The following CDKN1B variants were observed in gnomAD, a reference collection of about 807,000 sequenced individuals.
CDKN1B encodes cyclin dependent kinase inhibitor 1B.
CDKN1B carries 7 observed loss-of-function variants against 17.1 expected under a neutral mutation model. The ratio of observed to expected loss-of-function variants is 0.41; its 90% CI spans 0.23 to 0.77. The LOEUF (loss-of-function observed/expected upper bound fraction) is 0.77. Among genes scored for constraint, CDKN1B ranks in the 30% least tolerant of loss-of-function variants. The probability of loss-of-function intolerance (pLI) is 0.33; values close to 1 mark genes in which losing one functional copy is unlikely to be tolerated. For missense variants in CDKN1B, 337 were observed against 262.0 expected, an observed-to-expected ratio of 1.29 and a Z score of -1.98; for synonymous variants, 149 against 104.3, an observed-to-expected ratio of 1.43 and a Z score of -2.61.
chr12:12,718,704 C>T (rs765158339), intron 1 of CDKN1B, 121 bp from the exon 2 acceptor site: 9 of 1,157,182 alleles, frequency 7.8e-6, no homozygotes, highest in Non-Finnish European at 1.2e-5. Flanking sequence ...GATGACGGAT[C>T]CAGGATTGTG....
At chr12:12,718,976 C>T (rs2136357537) in intron 2 of CDKN1B, 22 bp downstream of exon 2, 1 of 1,612,836 alleles carries the variant, frequency 6.2e-7, no homozygotes, top group East Asian at 2.2e-5. Context: ...ACTAAAGGAG[C>T]ACGCACTGGA....
chr12:12,718,018 G>A lies in CDKN1B; in HGVS notation c.179G>A (p.Trp60Ter). The A allele has an allele frequency of 6.2e-7, 1 of 1,614,194 alleles. No individual in the cohort carries two copies. Among genetic ancestry groups the A allele is most frequent in the Non-Finnish European group, 8.5e-7 (1 of 1,180,042 alleles). The change falls in exon 1 of 3, where the codon TGG (tryptophan) becomes TAG (stop). Residue 60 changes from tryptophan (W) to a stop codon, truncating the protein, a stop_gained. Coordinates refer to ENST00000228872, the MANE Select transcript of CDKN1B (RefSeq NM_004064.5). LOFTEE classifies it high-confidence loss of function. ...ATGGAAGAGGCGAGCCAGCGCAAGT[G>A]GAATTTCGATTTTCAGAATCACAAA... ...RDMEEASQRKWNFDFQNHKPL... is the reference protein window; with the variant it reads ...RDMEEASQRK
In CDKN1B at chr12:12,722,080, A is replaced by G. The variant is rs1742027995; in HGVS notation, c.*1053A>G. ...TTCATTGCCTGTGTATGGAAAAACC[A>G]TTTGAAGTGTACCTGTGTACATAAC... On this transcript the variant is annotated 3_prime_UTR_variant, in exon 3 of 3. Coordinates refer to ENST00000228872, the MANE Select transcript of CDKN1B (RefSeq NM_004064.5). 2 of 152,316 alleles carry G rather than the reference A, an allele frequency of 1.3e-5. No individual in the cohort carries two copies. Among genetic ancestry groups the G allele is most frequent in the Admixed American group, 6.5e-5 (1 of 15,280 alleles). 9.4% of individuals were successfully genotyped at this position (152,316 alleles called of 1,614,324 possible).
chr12:12,718,459 G>A (rs1299662875), intron 1 of CDKN1B, 145 bp downstream of exon 1: 4 of 743,568 alleles, frequency 5.4e-6, no homozygotes, highest in Non-Finnish European at 9.1e-6. Flanking sequence ...AGTGCTACCT[G>A]GCCCACTGCT....
At chr12:12,719,944 C>G (rs1946525362) in intron 2 of CDKN1B, among the ~76,000 whole-genome samples, 2 of 152,180 alleles carry the variant, frequency 1.3e-5, no homozygotes, top group African/African-American at 4.8e-5. Flanking sequence ...TTCTAAAGCA[C>G]ACACGTAGTT....
At position 12,717,751 on chromosome 12, in the gene CDKN1B, G is replaced by A; in HGVS notation, c.-89G>A. ...AGGGCAGTCGCTGGGCTTCCGAGAG[G>A]GGTTCGGGCTGCGTAGGGGCGCTTT... On this transcript the variant is annotated 5_prime_UTR_variant, in exon 1 of 3. Coordinates refer to ENST00000228872, the MANE Select transcript of CDKN1B (RefSeq NM_004064.5). The A allele has an allele frequency of 1.9e-6, 3 of 1,596,858 alleles. No individual in the cohort carries two copies. Among genetic ancestry groups the A allele is most frequent in the Non-Finnish European group, 2.5e-6 (3 of 1,178,154 alleles).
In CDKN1B at chr12:12,718,099, TCTA is replaced by T. The variant is rs1946492719; in HGVS notation, c.265_267del (p.Tyr89del). 2.5e-6 allele frequency: 4 copies of T among 1,613,992 alleles called. No homozygotes were observed. Among genetic ancestry groups the T allele is most frequent in the Non-Finnish European group, 3.4e-6 (4 of 1,180,010 alleles). On this transcript the variant is annotated inframe_deletion, in exon 1 of 3. Coordinates refer to ENST00000228872, the MANE Select transcript of CDKN1B (RefSeq NM_004064.5). ...GTGGAGAAGGGCAGCTTGCCCGAGTTCTACTACAGACCCCCGCGGCCCCCCAAA... is the reference window on the plus strand; with the variant it reads ...GTGGAGAAGGGCAGCTTGCCCGAGTTCTACAGACCCCCGCGGCCCCCCAAA...
chr12:12,721,357 G>T lies in CDKN1B; in HGVS notation c.*330G>T. On this transcript the variant is annotated 3_prime_UTR_variant, in exon 3 of 3. Transcript: ENST00000228872. ...CAGGGTGGGGCTGAGGAACTGACGT[G>T]GAGCGGGGTATGAAGAGCTTGCTTT... 2.2e-6 allele frequency: 1 copy of T among 461,360 alleles called. No homozygotes were observed. Among genetic ancestry groups the T allele is most frequent in the Admixed American group, 4.1e-5 (1 of 24,224 alleles). The allele number at this position is 461,360 out of a possible 1,614,324, so 28.6% of individuals were successfully genotyped here. A position where few individuals can be genotyped will look rare whatever the true frequency, so the allele number is the denominator to read the frequency against.
chr12:12,717,973 T>G lies in CDKN1B; in HGVS notation c.134T>G (p.Leu45Trp), dbSNP rs2136355613. 2.5e-6 allele frequency: 4 copies of G among 1,614,146 alleles called. No individual in the cohort carries two copies. Among genetic ancestry groups the G allele is most frequent in the Non-Finnish European group, 3.4e-6 (4 of 1,180,030 alleles). The change falls in exon 1 of 3, where the codon TTG (leucine) becomes TGG (tryptophan). Residue 45 changes from leucine to tryptophan, a missense_variant. Leu to Trp is a moderately conservative substitution (Grantham distance 61). Coordinates refer to ENST00000228872, the MANE Select transcript of CDKN1B (RefSeq NM_004064.5). ...GACCACGAAGAGTTAACCCGGGACT[T>G]GGAGAAGCACTGCAGAGACATGGAA... is the stretch of plus-strand genomic sequence containing the variant. ...PVDHEELTRD[L>W]EKHCRDMEEA...
chr12:12,718,439 T>A (rs1424239578), intron 1 of CDKN1B, 125 bp downstream of exon 1: 7 of 889,266 alleles, frequency 7.9e-6, no homozygotes, highest in Non-Finnish European at 1.1e-5. Context: ...TTTATTGGTC[T>A]TAGGTGTTCA....
intron 2 of CDKN1B, 132 bp from the exon 3 acceptor site, chr12:12,720,904 C>T: frequency 1.8e-6 from 1 of 544,786 alleles, no homozygotes. Flanking sequence ...GTGGAGATGA[C>T]TATAGTCATC....
At chr12:12,720,776 T>A (rs1242715805) in intron 2 of CDKN1B, among the ~76,000 whole-genome samples, 1 of 152,146 alleles carries the variant, frequency 6.6e-6, no homozygotes, top group Non-Finnish European at 1.5e-5. Flanking sequence ...TCTCCAGACA[T>A]TGCCAAATGT....
In CDKN1B at chr12:12,720,628, T is replaced by C. The variant is rs1946533117; in HGVS notation, c.*9-408T>C. Among the ~76,000 whole-genome samples, 2 of 152,218 alleles carry C rather than the reference T, an allele frequency of 1.3e-5. 1 individual carries two copies. The highest frequency in any genetic ancestry group is 4.1e-4 in the South Asian group (2 of 4,834). ...ATTTAGAGTAGGGTTTCTCAGCCTC[T>C]GCACTAATGACATTTTGGGCCGAAT... On this transcript the variant is annotated intron_variant, in intron 2 of 2. Transcript: ENST00000228872.
rs140927518 is a variant in CDKN1B, at chr12:12,718,016, G to A, written c.177G>A (p.Lys59=). 8.7e-6 allele frequency: 14 copies of A among 1,614,132 alleles called. No individual in the cohort carries two copies. The African/African-American group carries it at 1.9e-4, about 22-fold the overall frequency. Residue 59 remains lysine, a synonymous_variant, in exon 1 of 3, where the codon AAG becomes AAA. Transcript: ENST00000228872. ...CRDMEEASQR[K]WNFDFQNHKP... is the part of the protein sequence containing the mutation. ...ACATGGAAGAGGCGAGCCAGCGCAA[G>A]TGGAATTTCGATTTTCAGAATCACA... is the stretch of plus-strand genomic sequence containing the variant.
At position 12,717,419 on chromosome 12, in the gene CDKN1B, G is replaced by T. The variant is rs1248763392; in HGVS notation, c.-421G>T. 2 of 1,226,982 alleles carry T rather than the reference G, an allele frequency of 1.6e-6. No individual in the cohort carries two copies. Among genetic ancestry groups the T allele is most frequent in the African/African-American group, 3.1e-5 (2 of 65,018 alleles). The allele number at this position is 1,226,982 out of a possible 1,614,324, so 76.0% of individuals were successfully genotyped here. On this transcript the variant is annotated 5_prime_UTR_variant, in exon 1 of 3. Coordinates refer to ENST00000228872, the MANE Select transcript of CDKN1B (RefSeq NM_004064.5). Reference sequence around the variant, plus strand: ...CCATATTGGGCCACTAAAAAAAGGGGGCTCGTCTTTTCGGGGTGTTTTTCT... The same window carrying T: ...CCATATTGGGCCACTAAAAAAAGGGTGCTCGTCTTTTCGGGGTGTTTTTCT...
At position 12,717,619 on chromosome 12, in the gene CDKN1B, CATTTG is replaced by C. The variant is rs1946479469; in HGVS notation, c.-218_-214del. 2 of 1,451,350 alleles carry C rather than the reference CATTTG, an allele frequency of 1.4e-6. No homozygotes were observed. The highest frequency in any genetic ancestry group is 2.5e-4 in the Middle Eastern group (1 of 3,932). 89.9% of individuals were successfully genotyped at this position (1,451,350 alleles called of 1,614,324 possible). ...CTCTCCGCCCTCCCGCTCGCCAGTC[CATTTG>C]ATCAGCGGAGACTCGGCGGCCGGGC... On this transcript the variant is annotated 5_prime_UTR_variant, in exon 1 of 3. Coordinates refer to ENST00000228872, the MANE Select transcript of CDKN1B (RefSeq NM_004064.5).
rs761928140 is a variant in CDKN1B at position 12,718,112 on chromosome 12, C to T, written c.273C>T (p.Pro91=). ...KGSLPEFYYR[P]PRPPKGACKV... is the part of the protein sequence containing the mutation. ...GCTTGCCCGAGTTCTACTACAGACC[C>T]CCGCGGCCCCCCAAAGGTGCCTGCA... Residue 91 remains proline (P), a synonymous_variant, in exon 1 of 3, where the codon CCC becomes CCT. Transcript: ENST00000228872. The T allele has an allele frequency of 5.8e-5, 93 of 1,614,096 alleles. No individual in the cohort carries two copies. The highest frequency in any genetic ancestry group is 1.2e-4 in the Admixed American group (7 of 60,014).
At position 12,721,157 on chromosome 12, in the gene CDKN1B, AC is replaced by A; in HGVS notation, c.*131del. The A allele has an allele frequency of 1.3e-6, 1 of 775,098 alleles. No individual in the cohort carries two copies. The highest frequency in any genetic ancestry group is 2.4e-5 in the East Asian group (1 of 41,188). The allele number at this position is 775,098 out of a possible 1,614,324, so 48.0% of individuals were successfully genotyped here. The stretch of plus-strand genomic sequence containing the variant: ...CATGGAATGGACATCCTGTATAAGC[AC>A]TGAAAAACAACAACACAATAACACT... On this transcript the variant is annotated 3_prime_UTR_variant, in exon 3 of 3. Coordinates refer to ENST00000228872, the MANE Select transcript of CDKN1B (RefSeq NM_004064.5).
In CDKN1B at chr12:12,717,767, G is replaced by C; in HGVS notation, c.-73G>C. The C allele has an allele frequency of 6.2e-7, 1 of 1,603,616 alleles. No individual in the cohort carries two copies. The highest frequency in any genetic ancestry group is 8.5e-7 in the Non-Finnish European group (1 of 1,179,472). ...TTCCGAGAGGGGTTCGGGCTGCGTAGGGGCGCTTTGTTTTGTTCGGTTTTG... is the reference window on the plus strand; with the variant it reads ...TTCCGAGAGGGGTTCGGGCTGCGTACGGGCGCTTTGTTTTGTTCGGTTTTG... On this transcript the variant is annotated 5_prime_UTR_variant, in exon 1 of 3. Transcript: ENST00000228872.
Sources: gnomAD v4.1 joint callset for allele counts (sites outside exome capture counted in the v4.1 genomes callset) on GRCh38, gnomAD v4.1.1 for gene constraint, MANE v1.5 for transcripts, NCBI Gene and HGNC (gene_info 2026-07-23, HGNC 2026-07-21) for gene names.